TSPAN18: variants seen among roughly 807,000 people sequenced by gnomAD.
TSPAN18 encodes the protein tetraspanin 18, also known as tetraspanin-18.
Under a neutral mutation model 27.3 loss-of-function variants are expected in TSPAN18, and 14 were observed. The observed-to-expected ratio is 0.51, with a 90% CI of 0.34 to 0.80. The LOEUF (loss-of-function observed/expected upper bound fraction) is 0.80, where lower values mean the gene tolerates loss of function less well. TSPAN18 is among the 30% of genes least tolerant of loss of function. The probability of loss-of-function intolerance (pLI) is 0.01; values close to 1 mark genes in which losing one functional copy is unlikely to be tolerated. For missense variants in TSPAN18, 268 were observed against 323.9 expected, an observed-to-expected ratio of 0.83 and a Z score of 1.32; for synonymous variants, 143 against 136.5, an observed-to-expected ratio of 1.05 and a Z score of -0.33.
At chr11:44,894,447 C>T (rs1406902585) in intron 3 of TSPAN18, among the ~76,000 whole-genome samples, 2 of 152,218 alleles carry the variant, frequency 1.3e-5, no homozygotes, top group Non-Finnish European at 2.9e-5. Context: ...TCCTTTCCTT[C>T]TCTCTAGAAA....
intron 1 of TSPAN18, among the ~76,000 whole-genome samples, chr11:44,749,041 C>G (rs1855148656): frequency 6.6e-6 from 1 of 152,170 alleles, no homozygotes. Context: ...GGCCCAGCAT[C>G]ATACTGCATG....
chr11:44,852,211 C>T (rs1336934202), intron 2 of TSPAN18, among the ~76,000 whole-genome samples: 1 of 152,176 alleles, frequency 6.6e-6, no homozygotes, highest in Non-Finnish European at 1.5e-5. Context: ...TTTATAACAA[C>T]AACAAAATAG....
At chr11:44,812,762 C>T (rs1011667412) in intron 2 of TSPAN18, among the ~76,000 whole-genome samples, 3 of 152,124 alleles carry the variant, frequency 2.0e-5, no homozygotes, top group Non-Finnish European at 2.9e-5. Flanking sequence ...TTAGCTAAAG[C>T]GGGTATCTGA....
At chr11:44,788,725 A>G (rs1293515683) in intron 2 of TSPAN18, among the ~76,000 whole-genome samples, 2 of 152,122 alleles carry the variant, frequency 1.3e-5, no homozygotes, top group East Asian at 3.9e-4. Context: ...GGGATTACAG[A>G]CTTGAGCCAC....
intron 1 of TSPAN18, chr11:44,736,662 G>C (rs1347265389): frequency 6.6e-6 from 1 of 152,282 alleles, no homozygotes; most frequent in Non-Finnish European, 1.5e-5. Flanking sequence ...TAGCTGTGGA[G>C]GCTGGAGGAC....
intron 2 of TSPAN18, among the ~76,000 whole-genome samples, chr11:44,778,090 G>A (rs1421123606): frequency 6.6e-6 from 1 of 152,086 alleles, no homozygotes; most frequent in Non-Finnish European, 1.5e-5. Flanking sequence ...TTCTGGTGTG[G>A]TTAGAGCACC....
At chr11:44,790,472 C>T (rs1334846791) in intron 2 of TSPAN18, among the ~76,000 whole-genome samples, 2 of 136,442 alleles carry the variant, frequency 1.5e-5, no homozygotes, top group African/African-American at 2.8e-5. Context: ...TGCATGTGTT[C>T]GTGTGTGTGC....
intron 7 of TSPAN18, 63 bp from the exon 8 acceptor site, chr11:44,919,754 C>T (rs953780352): frequency 6.5e-7 from 1 of 1,536,114 alleles, no homozygotes; most frequent in Non-Finnish European, 9.0e-7. Flanking sequence ...GTATGTCCTT[C>T]TCTGTCCCCG....
intron 3 of TSPAN18, among the ~76,000 whole-genome samples, chr11:44,883,029 G>A (rs959633018): frequency 7.9e-5 from 12 of 152,262 alleles, no homozygotes; most frequent in Non-Finnish European, 1.8e-4. Flanking sequence ...GAGTGTGCCC[G>A]ACTGTACCTG....
At position 44,731,958 on chromosome 11, in the gene TSPAN18, G is replaced by C. The variant is rs75794153; in HGVS notation, c.-240+4671G>C. ...TGTTTAAGCTGATCAGCCTCTCCCA[G>C]AGTCACCCAAATAAAAAGCCATCTT... On this transcript the variant is annotated intron_variant, in intron 1 of 9. Transcript: ENST00000520358. Among the ~76,000 whole-genome samples, 1,044 of 152,282 alleles carry C rather than the reference G, an allele frequency of 6.9e-3. 10 individuals are homozygous for C. The highest frequency in any genetic ancestry group is 0.033 in the East Asian group (170 of 5,186).
At chr11:44,737,500 G>A (rs1037186095) in intron 1 of TSPAN18, among the ~76,000 whole-genome samples, 5 of 152,168 alleles carry the variant, frequency 3.3e-5, no homozygotes, top group East Asian at 1.9e-4. Flanking sequence ...TAGGGAGCCC[G>A]ATCTATGAAA....
At chr11:44,843,845 C>T (rs1052978090) in intron 2 of TSPAN18, among the ~76,000 whole-genome samples, 1 of 152,214 alleles carries the variant, frequency 6.6e-6, no homozygotes, top group African/African-American at 2.4e-5. Context: ...TCTCTTATTC[C>T]CTGAACAATT....
At chr11:44,898,013 T>C (rs1859125011) in intron 3 of TSPAN18, among the ~76,000 whole-genome samples, 1 of 152,232 alleles carries the variant, frequency 6.6e-6, no homozygotes, top group Non-Finnish European at 1.5e-5. Context: ...TGTCTCTTTT[T>C]GCTCTTTTCC....
chr11:44,802,344 A>G (rs1457232177), intron 2 of TSPAN18, among the ~76,000 whole-genome samples: 1 of 136,842 alleles, frequency 7.3e-6, no homozygotes, highest in African/African-American at 2.7e-5. Flanking sequence ...GCTGTGGGAG[A>G]TGGAGTGAGG....
At chr11:44,857,375 G>A (rs1241355112) in intron 2 of TSPAN18, among the ~76,000 whole-genome samples, 1 of 152,242 alleles carries the variant, frequency 6.6e-6, no homozygotes. Context: ...TAGCAGTGGA[G>A]CCAGGGGTAG....
intron 5 of TSPAN18, among the ~76,000 whole-genome samples, chr11:44,913,151 G>A (rs1859786117): frequency 6.6e-6 from 1 of 152,190 alleles, no homozygotes; most frequent in African/African-American, 2.4e-5. Flanking sequence ...TTCTCAGCCT[G>A]TCAGAAAGGA....
At chr11:44,893,297 G>C (rs1858919472) in intron 3 of TSPAN18, among the ~76,000 whole-genome samples, 1 of 152,216 alleles carries the variant, frequency 6.6e-6, no homozygotes. Flanking sequence ...AGGGGAGGCT[G>C]TCATTTAGGA....
intron 2 of TSPAN18, among the ~76,000 whole-genome samples, chr11:44,795,574 T>C (rs1590482567): frequency 1.3e-5 from 2 of 152,034 alleles, no homozygotes; most frequent in Admixed American, 1.3e-4. Flanking sequence ...GACACACAGG[T>C]GTGAGGATCA....
At chr11:44,740,777 C>T (rs1854914566) in intron 1 of TSPAN18, among the ~76,000 whole-genome samples, 1 of 152,116 alleles carries the variant, frequency 6.6e-6, no homozygotes, top group African/African-American at 2.4e-5. Flanking sequence ...CTAACAAACT[C>T]TCATGTTCCC....
Sources: gnomAD v4.1 joint callset for allele counts (sites outside exome capture counted in the v4.1 genomes callset) on GRCh38, gnomAD v4.1.1 for gene constraint, MANE v1.5 for transcripts, NCBI Gene and HGNC (gene_info 2026-07-23, HGNC 2026-07-21) for gene names.